FBXO3: variants seen among roughly 807,000 people sequenced by gnomAD.
FBXO3 encodes the protein F-box only protein 3.
Under a neutral mutation model 64.8 loss-of-function variants are expected in FBXO3, and 17 were observed. That is an observed-to-expected ratio of 0.26 (90% CI 0.18 to 0.39). The LOEUF (loss-of-function observed/expected upper bound fraction) is 0.39. Ranked by LOEUF, FBXO3 falls within the 10% of genes least tolerant of loss-of-function variation. The pLI, the probability that FBXO3 is intolerant of heterozygous loss-of-function variation, is 1.00. For synonymous variants in FBXO3, 182 were observed against 201.6 expected (o/e 0.90, Z 0.82); for missense variants, 420 against 589.9 (o/e 0.71, Z 2.98).
At chr11:33,761,585 T>A (rs1462984989) in intron 3 of FBXO3, among the ~76,000 whole-genome samples, 4 of 152,216 alleles carry the variant, frequency 2.6e-5, no homozygotes, top group African/African-American at 9.6e-5. Flanking sequence ...TCACAGTGGC[T>A]GTAGTTTTCT....
chr11:33,747,803 C>T (rs1372157860), intron 9 of FBXO3, among the ~76,000 whole-genome samples: 7 of 151,254 alleles, frequency 4.6e-5, no homozygotes, highest in Admixed American at 2.6e-4. Context: ...TGAGCCACTG[C>T]GCTTAGCCCT....
chr11:33,742,103 C>G lies in FBXO3; in HGVS notation c.1240-19G>C. The stretch of plus-strand genomic sequence containing the variant: ...CCATTTCCTTGAAAGAGAAAACAAT[C>G]TTTTGATAAGAAGAGCATCTATCAG... On this transcript the variant is annotated intron_variant, in intron 10 of 10. Transcript: ENST00000265651. 1 of 1,523,040 alleles carries G rather than the reference C, an allele frequency of 6.6e-7. No individual in the cohort carries two copies. Among genetic ancestry groups the G allele is most frequent in the South Asian group, 1.2e-5 (1 of 80,228 alleles). The allele number at this position is 1,523,040 out of a possible 1,614,324, so 94.3% of individuals were successfully genotyped here.
At chr11:33,754,587 G>T in intron 5 of FBXO3, 87 bp from the exon 6 acceptor site, 1 of 1,115,576 alleles carries the variant, frequency 9.0e-7, no homozygotes, top group South Asian at 1.6e-5. Context: ...CTGGAGACGA[G>T]GCAAAACAGA....
chr11:33,761,746 G>A (rs569087087), intron 3 of FBXO3, among the ~76,000 whole-genome samples: 4 of 152,152 alleles, frequency 2.6e-5, no homozygotes, highest in Admixed American at 6.5e-5. Flanking sequence ...CTTATGCATC[G>A]TATGCTTAGG....
intron 9 of FBXO3, 86 bp from the exon 10 acceptor site, chr11:33,747,406 G>A: frequency 1.9e-6 from 2 of 1,058,580 alleles, no homozygotes; most frequent in Non-Finnish European, 2.8e-6. Flanking sequence ...ATGGCATTAT[G>A]TAAACTATAT....
intron 3 of FBXO3, among the ~76,000 whole-genome samples, chr11:33,761,750 G>A (rs1477865133): frequency 6.6e-6 from 1 of 152,162 alleles, no homozygotes; most frequent in Non-Finnish European, 1.5e-5. Flanking sequence ...TGCATCGTAT[G>A]CTTAGGATCC....
intron 4 of FBXO3, among the ~76,000 whole-genome samples, chr11:33,757,640 C>T (rs1347386502): frequency 1.1e-5 from 1 of 94,336 alleles, no homozygotes; most frequent in African/African-American, 4.1e-5. Flanking sequence ...TGGCAACACA[C>T]CAAGACACCA....
rs1394396085 is a variant in FBXO3 at position 33,768,766 on chromosome 11, A to G, written c.358+85T>C. 2.0e-6 allele frequency: 3 copies of G among 1,497,260 alleles called. No homozygotes were observed. The South Asian group carries it at 3.4e-5, about 17-fold the overall frequency. 92.7% of individuals were successfully genotyped at this position (1,497,260 alleles called of 1,614,324 possible). On this transcript the variant is annotated intron_variant, in intron 3 of 10. Transcript: ENST00000265651. ...AAGTTGGGTTAACACAGTTGCGTAG[A>G]TGACAGAGATTCAAAGTTGTTTAAA...
At chr11:33,757,955 CAAAA>C (rs1285714596) in intron 4 of FBXO3, among the ~76,000 whole-genome samples, 1 of 86,456 alleles carries the variant, frequency 1.2e-5, no homozygotes. Flanking sequence ...GACCCTGTCT[CAAAA>C]AAAAAAAAAA....
rs1286239031 is a variant in FBXO3, at chr11:33,768,955, T to A, written c.254A>T (p.Asp85Val). 6.2e-7 allele frequency: 1 copy of A among 1,613,828 alleles called. No homozygotes were observed. ...ATAATGGTCAATGTATCTTCCTACA[T>A]CAGAGTAAGTATCTATGAAGAGAGA... is the stretch of plus-strand genomic sequence containing the variant. ...WKSLFIDTYS[D>V]VGRYIDHYAA... The change falls in exon 3 of 11, where the codon GAT becomes GTT. Residue 85 changes from aspartate to valine, a missense_variant. Transcript: ENST00000265651.
At position 33,764,246 on chromosome 11, in the gene FBXO3, C is replaced by CA. The variant is rs567047797; in HGVS notation, c.358+4604dup. Among the ~76,000 whole-genome samples, 188 of 152,256 alleles carry CA rather than the reference C, an allele frequency of 1.2e-3. 2 individuals are homozygous for CA. The highest frequency in any genetic ancestry group is 4.4e-3 in the African/African-American group (184 of 41,550). On this transcript the variant is annotated intron_variant, in intron 3 of 10. Coordinates refer to ENST00000265651, the MANE Select transcript of FBXO3 (RefSeq NM_012175.4). ...TCTCACAAAGTAGAAATAATCCATA[C>CA]AAAATACTTAATCATACAACTTACA... is the stretch of plus-strand genomic sequence containing the variant.
In FBXO3 at chr11:33,765,592, T is replaced by C. The variant is rs563348638; in HGVS notation, c.358+3259A>G. On this transcript the variant is annotated intron_variant, in intron 3 of 10. Coordinates refer to ENST00000265651, the MANE Select transcript of FBXO3 (RefSeq NM_012175.4). ...AGGCAGAAAGACTAGAGTTAATCTT[T>C]GCTCTACTGCTTTGACATAGTTTGT... is the stretch of plus-strand genomic sequence containing the variant. Among the ~76,000 whole-genome samples the C allele has an allele frequency of 4.6e-5, 7 of 152,348 alleles. No individual in the cohort carries two copies. In the East Asian group the frequency reaches 1.3e-3, roughly 29 times the overall value.
intron 8 of FBXO3, among the ~76,000 whole-genome samples, chr11:33,750,175 T>G (rs945057462): frequency 6.6e-6 from 1 of 152,138 alleles, no homozygotes; most frequent in Non-Finnish European, 1.5e-5. Context: ...ATTTTTTAAT[T>G]GAATATAAAT....
chr11:33,751,557 C>T lies in FBXO3; in HGVS notation c.775G>A (p.Gly259Ser), dbSNP rs1854957541. ...TGGTCTCTGATGATGGGGAAGCCAC[C>T]TGATACAACATTTTTGACATAAGAG... ...FTSYVKNVVS[G>S]GFPIIRDQIF... is the part of the protein sequence containing the mutation. The change falls in exon 7 of 11, where the codon GGT becomes AGT. Residue 259 changes from glycine to serine, a missense_variant. Gly to Ser is a moderately conservative substitution (Grantham distance 56). Coordinates refer to ENST00000265651, the MANE Select transcript of FBXO3 (RefSeq NM_012175.4). The T allele has an allele frequency of 1.2e-6, 2 of 1,608,994 alleles. No homozygotes were observed. The highest frequency in any genetic ancestry group is 2.7e-5 in the African/African-American group (2 of 74,538).
At position 33,758,501 on chromosome 11, in the gene FBXO3, C is replaced by T. The variant is rs1564990978; in HGVS notation, c.459G>A (p.Lys153=). 5 of 1,603,038 alleles carry T rather than the reference C, an allele frequency of 3.1e-6. No individual in the cohort carries two copies. Among genetic ancestry groups the T allele is most frequent in the East Asian group, 2.2e-5 (1 of 44,620 alleles). The change falls in exon 4 of 11, where the codon AAG becomes AAA. Residue 153 remains lysine (K), a synonymous_variant. Coordinates refer to ENST00000265651, the MANE Select transcript of FBXO3 (RefSeq NM_012175.4). ...GAATATCTTACCCAGGAACCACTAA[C>T]TTCTGTCCATTGTGAATTCGGTATG... is the stretch of plus-strand genomic sequence containing the variant. ...RCSYRIHNGQ[K]LVVPGLLGSM...
At chr11:33,749,361 T>C (rs771526790) in intron 8 of FBXO3, among the ~76,000 whole-genome samples, 1 of 49,728 alleles carries the variant, frequency 2.0e-5, no homozygotes, top group African/African-American at 7.6e-5. Flanking sequence ...GGGATTACAC[T>C]TTTTTTTTTT....
At chr11:33,768,694 T>G (rs1188272871) in intron 3 of FBXO3, 157 bp downstream of exon 3, 6 of 795,336 alleles carry the variant, frequency 7.5e-6, no homozygotes, top group Non-Finnish European at 2.2e-6. Flanking sequence ...AGCACTAGAG[T>G]GAAGGTCCTA....
At chr11:33,757,683 T>TAAAAAAAAAAA (rs1554946196) in intron 4 of FBXO3, among the ~76,000 whole-genome samples, 1 of 34,758 alleles carries the variant, frequency 2.9e-5, no homozygotes, top group African/African-American at 1.0e-4. Flanking sequence ...AAAAAAAAAG[T>TAAAAAAAAAAA]CTGGGTGGTT....
Position 33,770,808 on chromosome 11 carries a change from G to A in FBXO3, c.127C>T (p.Leu43Phe), listed in dbSNP as rs925918760. Reference protein sequence around the residue: ...LINCCYVSRRLSQLSSHDPLW... With the variant: ...LINCCYVSRRFSQLSSHDPLW... ...GGATCATGACTTGATAGCTGGCTAA[G>A]TCTTCGACTGACATAACAACAGCTG... The change falls in exon 2 of 11, where the codon CTT becomes TTT. Residue 43 changes from leucine to phenylalanine, a missense_variant. By Grantham distance (22) the Leu-to-Phe change is conservative. Around this residue, in one of 3 missense-constraint regions of FBXO3, gnomAD observed 337 missense variants for 518.4 expected, o/e 0.65. Transcript: ENST00000265651. 6.2e-7 allele frequency: 1 copy of A among 1,608,360 alleles called. No homozygotes were observed. Among genetic ancestry groups the A allele is most frequent in the South Asian group, 1.1e-5 (1 of 90,214 alleles).
Sources: allele counts gnomAD v4.1 joint callset (sites outside exome capture counted in the v4.1 genomes callset), GRCh38; gene constraint gnomAD v4.1.1; regional missense constraint gnomAD v4.1.1; transcripts MANE v1.5; gene names NCBI Gene and HGNC (gene_info 2026-07-23, HGNC 2026-07-21).